HR: variants seen among roughly 807,000 people sequenced by gnomAD.
HR encodes HR lysine demethylase and nuclear receptor corepressor.
A neutral mutation model predicts 128.6 loss-of-function variants in HR; 83 were observed. The ratio of observed to expected loss-of-function variants is 0.65; its 90% CI spans 0.54 to 0.77. The LOEUF (loss-of-function observed/expected upper bound fraction) is 0.77, where lower values mean the gene tolerates loss of function less well. Among genes scored for constraint, HR ranks in the 30% least tolerant of loss-of-function variants. The pLI is 0.00. For synonymous variants in HR, 681 were observed against 658.2 expected, an observed-to-expected ratio of 1.03 and a Z score of -0.53; for missense variants, 1,490 against 1,574.6, an observed-to-expected ratio of 0.95 and a Z score of 0.91.
In HR at chr8:22,120,323, CT is replaced by C; in HGVS notation, c.2776+18del. ...GCTTGGGCTCCCAGCTCCCTCTCCC[CT>C]GTGTTGGGGACACTTACGCTCAGGC... On this transcript the variant is annotated intron_variant, in intron 12 of 18. Coordinates refer to ENST00000381418, the MANE Select transcript of HR (RefSeq NM_005144.5). The C allele has an allele frequency of 1.9e-6, 3 of 1,613,746 alleles. No individual in the cohort carries two copies. Among genetic ancestry groups the C allele is most frequent in the Non-Finnish European group, 1.7e-6 (2 of 1,179,980 alleles).
Position 22,128,720 on chromosome 8 carries a change from T to C in HR, c.451A>G (p.Ile151Val), listed in dbSNP as rs772347671. 6.3e-7 allele frequency: 1 copy of C among 1,586,800 alleles called. No individual in the cohort carries two copies. The highest frequency in any genetic ancestry group is 8.6e-7 in the Non-Finnish European group (1 of 1,166,880). ...ACCCAGAAGGGAGCTCGCTCCAGGATCTTGGTCTCCAGAAGGAAAGGGCAG... is the reference window on the plus strand; with the variant it reads ...ACCCAGAAGGGAGCTCGCTCCAGGACCTTGGTCTCCAGAAGGAAAGGGCAG... ...WHCPFLLETK[I>V]LERAPFWVPT... Residue 151 changes from isoleucine (I) to valine (V), a missense_variant, in exon 2 of 19, where the codon ATC becomes GTC. Coordinates refer to ENST00000381418, the MANE Select transcript of HR (RefSeq NM_005144.5).
chr8:22,128,296 G>T, intron 2 of HR: 1 of 583,750 alleles, frequency 1.7e-6, no homozygotes, highest in Non-Finnish European at 3.0e-6. Context: ...CAAGGCCACA[G>T]TTCCCAGGAC....
Position 22,121,289 on chromosome 8 carries a change from C to T in HR, c.2204-61G>A. The T allele has an allele frequency of 1.6e-5, 25 of 1,582,948 alleles. No individual in the cohort carries two copies. In the Middle Eastern group the frequency reaches 6.8e-4, roughly 43 times the overall value. ...TGGTCCCTCCTCTTCCCCTCGAGGC[C>T]CTCTTGCCCATGCTGCTCTTCCCTC... is the stretch of plus-strand genomic sequence containing the variant. On this transcript the variant is annotated intron_variant, in intron 9 of 18. Transcript: ENST00000381418.
chr8:22,120,825 G>C lies in HR; in HGVS notation c.2501C>G (p.Pro834Arg), dbSNP rs1826728104. 6.4e-7 allele frequency: 1 copy of C among 1,551,352 alleles called. No homozygotes were observed. The highest frequency in any genetic ancestry group is 1.4e-5 in the African/African-American group (1 of 73,174). The change falls in exon 11 of 19, where the codon CCA (proline) becomes CGA (arginine). Residue 834 changes from proline (P) to arginine (R), a missense_variant. Physicochemically the swap from Pro to Arg is moderately radical, Grantham distance 103. This residue lies in a region of HR where 423 missense variants were observed against 495.9 expected (regional missense o/e 0.85). Transcript: ENST00000381418. ...LRKGLGLPLS[P>R]VRPRLPPPGA... Reference sequence around the variant, plus strand: ...TGGGGGAGGCAGCCGGGGCCGCACTGGAGAGAGGGGCAGGCCCAGGCCCTT... The same window carrying C: ...TGGGGGAGGCAGCCGGGGCCGCACTCGAGAGAGGGGCAGGCCCAGGCCCTT...
At chr8:22,121,839 CATTAG>C in intron 8 of HR, 145 bp from the exon 9 acceptor site, 1 of 818,486 alleles carries the variant, frequency 1.2e-6, no homozygotes, top group East Asian at 2.7e-5. Flanking sequence ...TAGGATATAA[CATTAG>C]GTGGAAAAAA....
chr8:22,119,681 C>A, intron 14 of HR, 79 bp downstream of exon 14: 1 of 1,508,262 alleles, frequency 6.6e-7, no homozygotes, highest in Non-Finnish European at 8.9e-7. Context: ...AGGGCCTTGG[C>A]ACAGACGCTC....
At position 22,122,856 on chromosome 8, in the gene HR, C is replaced by A; in HGVS notation, c.1939G>T (p.Glu647Ter). ...GCGTGCCCGGCCTCCTGCGTGCACT[C>A]CTCCGCGGACTGCTCCTGAAAGCCT... Reference protein sequence around the residue: ...KAGFQEQSAEECTQEAGHAAC... With the variant: ...KAGFQEQSAE Residue 647 changes from glutamate (E) to a stop codon, truncating the protein, a stop_gained, in exon 7 of 19, where the codon GAG becomes TAG. Transcript: ENST00000381418. LOFTEE classifies it high-confidence loss of function. 1 of 1,554,462 alleles carries A rather than the reference C, an allele frequency of 6.4e-7. No homozygotes were observed. Among genetic ancestry groups the A allele is most frequent in the South Asian group, 1.2e-5 (1 of 84,204 alleles).
chr8:22,120,208 C>G, intron 12 of HR, 35 bp from the exon 13 acceptor site: 1 of 1,593,740 alleles, frequency 6.3e-7, no homozygotes, highest in South Asian at 1.1e-5. Context: ...TTGGCCTCCT[C>G]AGCCCTGAAG....
Position 22,124,668 on chromosome 8 carries a change from G to T in HR, c.1750+643C>A, listed in dbSNP as rs1036660214. Among the ~76,000 whole-genome samples the T allele has an allele frequency of 2.6e-5, 4 of 152,202 alleles. No homozygotes were observed. In the East Asian group the frequency reaches 7.7e-4, roughly 29 times the overall value. Reference sequence around the variant, plus strand: ...GAATGCGGGAGAGCTTCCCAAGTGGGCCCCAGAGGATGAGTAAGTTTTCAT... The same window carrying T: ...GAATGCGGGAGAGCTTCCCAAGTGGTCCCCAGAGGATGAGTAAGTTTTCAT... On this transcript the variant is annotated intron_variant, in intron 5 of 18. Coordinates refer to ENST00000381418, the MANE Select transcript of HR (RefSeq NM_005144.5).
In HR at chr8:22,130,433, C is replaced by T. The variant is rs1827020478; in HGVS notation, c.-46G>A. 1 of 152,260 alleles carries T rather than the reference C, an allele frequency of 6.6e-6. No individual in the cohort carries two copies. 9.4% of individuals were successfully genotyped at this position (152,260 alleles called of 1,614,324 possible). A position where few individuals can be genotyped will look rare whatever the true frequency, so the allele number is the denominator to read the frequency against. ...GGCGCGCTCCTGGCGCTTACCTGGG[C>T]TTCACCGGCCGGTCGCGGCGCGGGC... On this transcript the variant is annotated 5_prime_UTR_variant, in exon 1 of 19. Transcript: ENST00000381418.
In HR at chr8:22,116,392, G is replaced by T. The variant is rs1826587368; in HGVS notation, c.3415C>A (p.His1139Asn). The T allele has an allele frequency of 1.2e-6, 2 of 1,613,670 alleles. No individual in the cohort carries two copies. The highest frequency in any genetic ancestry group is 2.2e-5 in the South Asian group (2 of 91,038). Residue 1139 changes from histidine (H) to asparagine (N), a missense_variant, in exon 18 of 19, where the codon CAC becomes AAC. By Grantham distance (68) the His-to-Asn change is moderately conservative. Coordinates refer to ENST00000381418, the MANE Select transcript of HR (RefSeq NM_005144.5). This position sits in a 1 kb window ranked among gnomAD's most constrained non-coding sequence, Gnocchi z 4.2. ...GCAGAGGTCTCAGGGGAGAGGAAGT[G>T]CTGAGTGACGCTGACTGTGCTCACC... ...GLVSTVSVTQ[H>N]FLSPETSALS... is the part of the protein sequence containing the mutation.
In HR at chr8:22,119,187, G is replaced by A; in HGVS notation, c.3074C>T (p.Pro1025Leu). The A allele has an allele frequency of 1.2e-6, 2 of 1,613,922 alleles. No homozygotes were observed. Among genetic ancestry groups the A allele is most frequent in the Non-Finnish European group, 1.7e-6 (2 of 1,180,040 alleles). Residue 1025 changes from proline (P) to leucine (L), a missense_variant, in exon 15 of 19, where the codon CCT (proline) becomes CTT (leucine). By Grantham distance (98) the Pro-to-Leu change is moderately conservative (BLOSUM62 -3). This residue lies in a region of HR where 423 missense variants were observed against 495.9 expected (regional missense o/e 0.85). Coordinates refer to ENST00000381418, the MANE Select transcript of HR (RefSeq NM_005144.5). Reference sequence around the variant, plus strand: ...ACCTTTCTGTGCCCGGTGCCAGGCAGGCAGTGGTGTGTCGGCATGCACCAG... The same window carrying A: ...ACCTTTCTGTGCCCGGTGCCAGGCAAGCAGTGGTGTGTCGGCATGCACCAG... ...SILVHADTPL[P>L]AWHRAQKDFL...
chr8:22,129,947 A>G (rs1827007048), intron 1 of HR, among the ~76,000 whole-genome samples: 1 of 152,130 alleles, frequency 6.6e-6, no homozygotes. Context: ...GCGCCGGCAC[A>G]GGGGAGGGGG....
Position 22,120,288 on chromosome 8 carries a change from G to A in HR, c.2776+54C>T, listed in dbSNP as rs924446096. ...TCACCCTGGGACTCCTCTGCCACCC[G>A]ATCCCTAGGGCTTGGGCTCCCAGCT... is the stretch of plus-strand genomic sequence containing the variant. On this transcript the variant is annotated intron_variant, in intron 12 of 18. Transcript: ENST00000381418. The A allele has an allele frequency of 6.3e-5, 102 of 1,612,668 alleles. 1 individual carries two copies. In the South Asian group the frequency reaches 9.7e-4, roughly 15 times the overall value.
intron 6 of HR, 32 bp downstream of exon 6, chr8:22,123,617 T>TTGGGGGGGG: frequency 6.8e-5 from 20 of 292,070 alleles, no homozygotes; most frequent in East Asian, 2.2e-4. Flanking sequence ...GAGGGCTCCA[T>TTGGGGGGGG]CCCGCCCTCC....
chr8:22,121,766 C>G, intron 8 of HR, 72 bp from the exon 9 acceptor site: 1 of 1,441,276 alleles, frequency 6.9e-7, no homozygotes, highest in Non-Finnish European at 9.7e-7. Context: ...TCAACAGAAC[C>G]CACAAGAATG....
chr8:22,115,927 T>C (rs1826573853), intron 18 of HR, among the ~76,000 whole-genome samples, 165 bp from the exon 19 acceptor site: 1 of 152,004 alleles, frequency 6.6e-6, no homozygotes, highest in Non-Finnish European at 1.5e-5. Flanking sequence ...GGTCAGGAGT[T>C]CAAGACCGGT....
rs1254223240 is a variant in HR, at chr8:22,117,013, C to T, written c.3240G>A (p.Leu1080=). The change falls in exon 17 of 19, where the codon CTG becomes CTA. Residue 1080 remains leucine, a synonymous_variant. Coordinates refer to ENST00000381418, the MANE Select transcript of HR (RefSeq NM_005144.5). ...QMVCPAGAGA[L]EPGAPGSCYL... ...AGCAGCTGCCTGGGGCGCCAGGCTC[C>T]AGGGCGCCTGCCCCGGCCGGGCACA... 1 of 1,520,660 alleles carries T rather than the reference C, an allele frequency of 6.6e-7. No individual in the cohort carries two copies. The highest frequency in any genetic ancestry group is 8.8e-7 in the Non-Finnish European group (1 of 1,139,066). 94.2% of individuals were successfully genotyped at this position (1,520,660 alleles called of 1,614,324 possible).
chr8:22,119,409 G>A, intron 14 of HR, 126 bp from the exon 15 acceptor site: 2 of 1,366,612 alleles, frequency 1.5e-6, no homozygotes, highest in African/African-American at 2.9e-5. Flanking sequence ...AGGAGTTTGA[G>A]ACCAGCCTCA....
Sources: gnomAD v4.1 joint callset for allele counts (sites outside exome capture counted in the v4.1 genomes callset) on GRCh38, gnomAD v4.1.1 for gene constraint, gnomAD v4.1.1 regional missense constraint, Gnocchi (gnomAD v3.1) non-coding constraint, MANE v1.5 for transcripts, NCBI Gene and HGNC (gene_info 2026-07-23, HGNC 2026-07-21) for gene names.